The following KCNG4 variants were observed in gnomAD, a reference collection of about 807,000 sequenced individuals.
The protein encoded by KCNG4 is potassium voltage-gated channel modifier subfamily G member 4.
Under a neutral mutation model 28.2 loss-of-function variants are expected in KCNG4, and 30 were observed. The ratio of observed to expected loss-of-function variants is 1.06; its 90% confidence interval spans 0.80 to 1.44. The LOEUF is 1.44. Among genes scored for constraint, KCNG4 ranks in the 40% most tolerant of loss-of-function variants. KCNG4 has a pLI of 0.00. For missense variants in KCNG4, 879 were observed against 712.3 expected (o/e 1.23, Z -2.66); for synonymous variants, 375 against 315.5 (o/e 1.19, Z -2.00).
intron 2 of KCNG4, among the ~76,000 whole-genome samples, chr16:84,228,199 G>A (rs897122125): frequency 6.6e-6 from 1 of 152,224 alleles, no homozygotes; most frequent in Non-Finnish European, 1.5e-5. Context: ...AGCTCCATCT[G>A]GGAGGGGCTC....
rs928108621 is a variant in KCNG4, at chr16:84,220,606, C to T, written c.*1611G>A. 11 of 152,214 alleles carry T rather than the reference C, an allele frequency of 7.2e-5. No individual in the cohort carries two copies. The highest frequency in any genetic ancestry group is 2.7e-4 in the African/African-American group (11 of 41,448). The allele number at this position is 152,214 out of a possible 1,614,324, so 9.4% of individuals were successfully genotyped here. A position where few individuals can be genotyped will look rare whatever the true frequency, so the allele number is the denominator to read the frequency against. On this transcript the variant is annotated 3_prime_UTR_variant, in exon 3 of 3. Transcript: ENST00000308251. ...GTACACGATATCAGATTGGCAGGGCCGAAACCACTTCACTGTCACCTGTTT... is the reference window on the plus strand; with the variant it reads ...GTACACGATATCAGATTGGCAGGGCTGAAACCACTTCACTGTCACCTGTTT...
chr16:84,234,469 G>T (rs755790423), intron 2 of KCNG4, among the ~76,000 whole-genome samples: 1 of 152,142 alleles, frequency 6.6e-6, no homozygotes, highest in Non-Finnish European at 1.5e-5. Context: ...GTGAGCCACT[G>T]CACCCAGCCT....
At position 84,222,187 on chromosome 16, in the gene KCNG4, G is replaced by A. The variant is rs756621988; in HGVS notation, c.*30C>T. Reference sequence around the variant, plus strand: ...TGTTTCAGGCAGGGTGATGGGTTGAGGTTACCATGTAGTCATGGGGGGTGC... The same window carrying A: ...TGTTTCAGGCAGGGTGATGGGTTGAAGTTACCATGTAGTCATGGGGGGTGC... On this transcript the variant is annotated 3_prime_UTR_variant, in exon 3 of 3. Transcript: ENST00000308251. 1.9e-6 allele frequency: 3 copies of A among 1,606,978 alleles called. No individual in the cohort carries two copies. Among genetic ancestry groups the A allele is most frequent in the South Asian group, 2.2e-5 (2 of 90,214 alleles).
intron 2 of KCNG4, among the ~76,000 whole-genome samples, chr16:84,234,737 C>T (rs1904906763): frequency 1.3e-5 from 2 of 152,170 alleles, no homozygotes; most frequent in South Asian, 4.1e-4. Context: ...ATGGGCACTG[C>T]CTGTCCCCAG....
Position 84,236,603 on chromosome 16 carries a change from T to C in KCNG4, c.756+127A>G, listed in dbSNP as rs907784141. 6 of 950,404 alleles carry C rather than the reference T, an allele frequency of 6.3e-6. No individual in the cohort carries two copies. The Admixed American group carries it at 1.5e-4, about 23-fold the overall frequency. 58.9% of individuals were successfully genotyped at this position (950,404 alleles called of 1,614,324 possible). A position where few individuals can be genotyped will look rare whatever the true frequency, so the allele number is the denominator to read the frequency against. On this transcript the variant is annotated intron_variant, in intron 2 of 2. Transcript: ENST00000308251. ...ATGGCCTAATAATGAATATAACCCA[T>C]GTTGGATAATATTCATTTTTTTCTT...
At position 84,236,722 on chromosome 16, in the gene KCNG4, C is replaced by T; in HGVS notation, c.756+8G>A. The T allele has an allele frequency of 6.2e-7, 1 of 1,601,368 alleles. No individual in the cohort carries two copies. Among genetic ancestry groups the T allele is most frequent in the South Asian group, 1.1e-5 (1 of 90,092 alleles). On this transcript the variant is annotated splice_region_variant and intron_variant, in intron 2 of 2. Coordinates refer to ENST00000308251, the MANE Select transcript of KCNG4 (RefSeq NM_172347.3). ...ATGGAGCCGTGAATGCCATCAGAGGCCGCTCACCTGGTCCTCCTCTGCCCT... is the reference window on the plus strand; with the variant it reads ...ATGGAGCCGTGAATGCCATCAGAGGTCGCTCACCTGGTCCTCCTCTGCCCT...
At chr16:84,224,888 C>A (rs552489093) in intron 2 of KCNG4, among the ~76,000 whole-genome samples, 1 of 152,322 alleles carries the variant, frequency 6.6e-6, no homozygotes, top group Admixed American at 6.5e-5. Context: ...CCCCCAGAAA[C>A]CATGTCTGCT....
chr16:84,236,552 A>G, intron 2 of KCNG4, 178 bp downstream of exon 2: 1 of 845,704 alleles, frequency 1.2e-6, no homozygotes, highest in Non-Finnish European at 1.7e-6. Flanking sequence ...AAAAAAAAAA[A>G]GATGGAAAAT....
In KCNG4 at chr16:84,237,004, C is replaced by G; in HGVS notation, c.482G>C (p.Cys161Ser). 6.2e-7 allele frequency: 1 copy of G among 1,613,850 alleles called. No homozygotes were observed. The change falls in exon 2 of 3, where the codon TGC becomes TCC. Residue 161 changes from cysteine to serine, a missense_variant. Transcript: ENST00000308251. ...GIEEAHLERC[C>S]LRKLLRKLEE... ...CAGCTTCCTCAGCAGCTTCCGCAGG[C>G]AGCACCTCTCCAGGTGGGCCTCCTC...
chr16:84,231,596 G>A (rs1365451316), intron 2 of KCNG4, among the ~76,000 whole-genome samples: 3 of 152,148 alleles, frequency 2.0e-5, no homozygotes, highest in Non-Finnish European at 4.4e-5. Flanking sequence ...AGGGCTGGAA[G>A]GGCACTAGGG....
At chr16:84,230,170 G>A (rs757724789) in intron 2 of KCNG4, among the ~76,000 whole-genome samples, 2 of 152,100 alleles carry the variant, frequency 1.3e-5, no homozygotes, top group South Asian at 4.1e-4. Flanking sequence ...TTTGGGAGGC[G>A]AAGGCTAGTG....
chr16:84,238,745 G>A (rs1905035833), intron 1 of KCNG4, among the ~76,000 whole-genome samples: 1 of 152,176 alleles, frequency 6.6e-6, no homozygotes, highest in Non-Finnish European at 1.5e-5. Context: ...GCATGTACCT[G>A]TAGTCCCAGC....
chr16:84,239,917 G>T lies in KCNG4; in HGVS notation c.-288C>A, dbSNP rs1905059043. On this transcript the variant is annotated 5_prime_UTR_variant, in exon 1 of 3. Transcript: ENST00000308251. ...AGGAGAGCCCTGGGGGATTGAGGTGGGATTTTTTTTTTTTTTTAAAGGACC... is the reference window on the plus strand; with the variant it reads ...AGGAGAGCCCTGGGGGATTGAGGTGTGATTTTTTTTTTTTTTTAAAGGACC... Among the ~76,000 whole-genome samples the T allele has an allele frequency of 8.5e-5, 5 of 58,836 alleles. No individual in the cohort carries two copies. In the South Asian group the frequency reaches 6.4e-3, roughly 75 times the overall value. 38.6% of individuals were successfully genotyped at this position (58,836 alleles called of 152,430 possible).
chr16:84,229,051 CA>C (rs769101895), intron 2 of KCNG4, among the ~76,000 whole-genome samples: 18 of 152,046 alleles, frequency 1.2e-4, no homozygotes, highest in Admixed American at 4.6e-4. Flanking sequence ...GTAATCCCAG[CA>C]CTTCGGGAGG....
Position 84,222,797 on chromosome 16 carries a change from G to C in KCNG4, c.980C>G (p.Ser327Cys). ...PEDGERPSGS[S>C]YLEKVGLVLR... ...GACCAGCCCCACCTTCTCCAGGTAG[G>C]AGCTCCCGCTCGGCCTCTCGCCGTC... is the stretch of plus-strand genomic sequence containing the variant. Residue 327 changes from serine (S) to cysteine (C), a missense_variant, in exon 3 of 3, where the codon TCC becomes TGC. Ser to Cys is a moderately radical substitution (Grantham distance 112). Transcript: ENST00000308251. The C allele has an allele frequency of 2.5e-6, 4 of 1,610,506 alleles. No individual in the cohort carries two copies. Among genetic ancestry groups the C allele is most frequent in the South Asian group, 1.1e-5 (1 of 90,870 alleles).
At position 84,222,456 on chromosome 16, in the gene KCNG4, T is replaced by G; in HGVS notation, c.1321A>C (p.Ser441Arg). 1 of 1,614,010 alleles carries G rather than the reference T, an allele frequency of 6.2e-7. No homozygotes were observed. Among genetic ancestry groups the G allele is most frequent in the Non-Finnish European group, 8.5e-7 (1 of 1,180,000 alleles). The change falls in exon 3 of 3, where the codon AGC becomes CGC. Residue 441 changes from serine to arginine, a missense_variant. Transcript: ENST00000308251. The part of the protein sequence containing the change: ...GQMVALSSIL[S>R]GILIMAFPAT... ...GGGAAGGCCATGATGAGGATCCCGCTCAGGATGCTGCTGAGGGCCACCATC... is the reference window on the plus strand; with the variant it reads ...GGGAAGGCCATGATGAGGATCCCGCGCAGGATGCTGCTGAGGGCCACCATC...
At chr16:84,224,553 A>G (rs545343985) in intron 2 of KCNG4, among the ~76,000 whole-genome samples, 17 of 152,356 alleles carry the variant, frequency 1.1e-4, no homozygotes, top group South Asian at 1.0e-3. Flanking sequence ...TGAAATGGAA[A>G]AAGAAATTAT....
At position 84,239,798 on chromosome 16, in the gene KCNG4, A is replaced by T. The variant is rs894328056; in HGVS notation, c.-169T>A. The T allele has an allele frequency of 2.0e-5, 3 of 151,998 alleles. No individual in the cohort carries two copies. Among genetic ancestry groups the T allele is most frequent in the Non-Finnish European group, 4.4e-5 (3 of 68,004 alleles). 9.4% of individuals were successfully genotyped at this position (151,998 alleles called of 1,614,324 possible). A position where few individuals can be genotyped will look rare whatever the true frequency, so the allele number is the denominator to read the frequency against. On this transcript the variant is annotated 5_prime_UTR_variant, in exon 1 of 3. Coordinates refer to ENST00000308251, the MANE Select transcript of KCNG4 (RefSeq NM_172347.3). ...GGAAGAAAAAAATCCCCAAAACAGC[A>T]GTTTCTAGCAGAGTCAGTTTCCAAT...
In KCNG4 at chr16:84,219,199, T is replaced by C. The variant is rs1904498002; in HGVS notation, c.*3018A>G. Reference sequence around the variant, plus strand: ...GGCAGAGCTCTGCCTGCTTTGCTGCTGGTCTTCTTCATCCGCAGGACAGTC... The same window carrying C: ...GGCAGAGCTCTGCCTGCTTTGCTGCCGGTCTTCTTCATCCGCAGGACAGTC... On this transcript the variant is annotated 3_prime_UTR_variant, in exon 3 of 3. Transcript: ENST00000308251. 6.6e-6 allele frequency: 1 copy of C among 152,202 alleles called. No homozygotes were observed. The highest frequency in any genetic ancestry group is 2.1e-4 in the South Asian group (1 of 4,834). The allele number at this position is 152,202 out of a possible 1,614,324, so 9.4% of individuals were successfully genotyped here.
Sources: allele counts gnomAD v4.1 joint callset (sites outside exome capture counted in the v4.1 genomes callset), GRCh38; gene constraint gnomAD v4.1.1; transcripts MANE v1.5; gene names NCBI Gene and HGNC (gene_info 2026-07-23, HGNC 2026-07-21).